PTPRT: variants seen among roughly 807,000 people sequenced by gnomAD.
The protein encoded by PTPRT is protein tyrosine phosphatase receptor type T, also known as receptor-type tyrosine-protein phosphatase T.
In PTPRT, 56 loss-of-function variants were observed where a neutral mutation model predicts 176.8. That is an observed-to-expected ratio of 0.32 (90% CI 0.26 to 0.40). The LOEUF (loss-of-function observed/expected upper bound fraction) is 0.40, where lower values mean the gene tolerates loss of function less well. Among genes scored for constraint, PTPRT ranks in the 10% least tolerant of loss-of-function variants. The probability of loss-of-function intolerance (pLI) is 1.00; values close to 1 mark genes in which losing one functional copy is unlikely to be tolerated. For synonymous variants in PTPRT, 783 were observed against 739.0 expected (o/e 1.06, Z -0.96); for missense variants, 1,540 against 1,908.2 (o/e 0.81, Z 3.60).
intron 1 of PTPRT, among the ~76,000 whole-genome samples, chr20:43,133,896 T>C (rs372469107): frequency 2.0e-4 from 30 of 152,258 alleles, no homozygotes; most frequent in Middle Eastern, 3.4e-3. Flanking sequence ...GGAACTGGCA[T>C]TTCTCACAAG....
intron 7 of PTPRT, among the ~76,000 whole-genome samples, chr20:42,525,060 T>C (rs573601922): frequency 6.6e-6 from 1 of 152,282 alleles, no homozygotes; most frequent in East Asian, 1.9e-4. Flanking sequence ...AGATTACTGA[T>C]CACCGCAGCC....
intron 2 of PTPRT, among the ~76,000 whole-genome samples, chr20:42,815,463 C>G (rs1394600258): frequency 6.6e-6 from 1 of 152,154 alleles, no homozygotes. Flanking sequence ...CAAAGGAAAC[C>G]AGTAGCAAAG....
At chr20:43,051,916 A>T (rs1987061365) in intron 1 of PTPRT, among the ~76,000 whole-genome samples, 1 of 152,216 alleles carries the variant, frequency 6.6e-6, no homozygotes, top group Non-Finnish European at 1.5e-5. Context: ...ATTATCAAAA[A>T]AAATTACTTG....
intron 2 of PTPRT, among the ~76,000 whole-genome samples, chr20:42,862,302 T>C (rs913344289): frequency 9.9e-5 from 15 of 152,160 alleles, no homozygotes; most frequent in Admixed American, 7.2e-4. Context: ...CTCATCTCTA[T>C]AGCTCCCAGC....
At chr20:42,529,736 C>T (rs769950519) in intron 7 of PTPRT, among the ~76,000 whole-genome samples, 1 of 151,730 alleles carries the variant, frequency 6.6e-6, no homozygotes, top group Admixed American at 6.6e-5. Flanking sequence ...ATCCACTGTC[C>T]TCAGTCTCCC....
chr20:43,169,233 A>T (rs1264740684), intron 1 of PTPRT, among the ~76,000 whole-genome samples: 1 of 152,234 alleles, frequency 6.6e-6, no homozygotes, highest in African/African-American at 2.4e-5. Flanking sequence ...AGTCACTGCG[A>T]TTAGGGCAAA....
chr20:42,362,624 C>T (rs1243561301), intron 9 of PTPRT, among the ~76,000 whole-genome samples: 2 of 152,080 alleles, frequency 1.3e-5, no homozygotes, highest in Non-Finnish European at 2.9e-5. Flanking sequence ...AAGTGAAATT[C>T]AAATAAGGCC....
rs1182129019 is a variant in PTPRT, at chr20:43,189,285, C to T, written c.88+361G>A. On this transcript the variant is annotated intron_variant, in intron 1 of 30. Coordinates refer to ENST00000373187, the MANE Select transcript of PTPRT (RefSeq NM_007050.6). This position sits in a 1 kb window ranked among gnomAD's most constrained non-coding sequence, Gnocchi z 5.0. ...GAACGCTCCACCCCGGGCGTCGGTG[C>T]CGCTCCTCGTCTCGCCGCCCCAAAC... 1.3e-5 allele frequency among the ~76,000 whole-genome samples: 2 copies of T among 152,012 alleles called. No homozygotes were observed. The highest frequency in any genetic ancestry group is 4.8e-5 in the African/African-American group (2 of 41,398).
At chr20:42,198,784 C>T (rs1450463331) in intron 16 of PTPRT, among the ~76,000 whole-genome samples, 2 of 152,186 alleles carry the variant, frequency 1.3e-5, no homozygotes, top group Admixed American at 1.3e-4. Flanking sequence ...AGATAAGTTG[C>T]TTCTCTGAGC....
At chr20:42,320,928 G>A (rs1013142158) in intron 11 of PTPRT, among the ~76,000 whole-genome samples, 9 of 152,088 alleles carry the variant, frequency 5.9e-5, no homozygotes, top group Non-Finnish European at 1.3e-4. Context: ...GGTCACACCT[G>A]GAAGCCATTT....
intron 9 of PTPRT, among the ~76,000 whole-genome samples, chr20:42,419,789 T>A (rs538707296): frequency 6.6e-6 from 1 of 152,272 alleles, no homozygotes; most frequent in African/African-American, 2.4e-5. Flanking sequence ...TTTGCATCTA[T>A]AATCAAGTTA....
chr20:43,097,199 C>T (rs932452730), intron 1 of PTPRT, among the ~76,000 whole-genome samples: 6 of 152,134 alleles, frequency 3.9e-5, no homozygotes, highest in Admixed American at 2.6e-4. Flanking sequence ...TGGACAGTGG[C>T]GAGGGGCCTG....
At chr20:42,815,987 C>T (rs1044857871) in intron 2 of PTPRT, among the ~76,000 whole-genome samples, 4 of 151,848 alleles carry the variant, frequency 2.6e-5, no homozygotes, top group Admixed American at 6.6e-5. Flanking sequence ...ATTTTAATAT[C>T]AGGGTTATGA....
intron 9 of PTPRT, among the ~76,000 whole-genome samples, chr20:42,434,211 G>A (rs1042952334): frequency 6.6e-6 from 1 of 152,018 alleles, no homozygotes; most frequent in African/African-American, 2.4e-5. Flanking sequence ...TTGTTATATT[G>A]TCACTAACAT....
intron 6 of PTPRT, among the ~76,000 whole-genome samples, chr20:42,700,765 T>A (rs912469549): frequency 6.6e-6 from 1 of 152,082 alleles, no homozygotes; most frequent in African/African-American, 2.4e-5. Context: ...AGAACCCTCA[T>A]CTAGGGGCTG....
chr20:43,002,886 A>G lies in PTPRT; in HGVS notation c.89-116954T>C, dbSNP rs564794994. On this transcript the variant is annotated intron_variant, in intron 1 of 30. Transcript: ENST00000373187. ...AAAGGCAGAAAACAATTCATTAAAA[A>G]AACAGAAAAACATCAGAATAAATAA... Among the ~76,000 whole-genome samples, 130 of 148,848 alleles carry G rather than the reference A, an allele frequency of 8.7e-4. 1 individual carries two copies. The highest frequency in any genetic ancestry group is 2.1e-3 in the Admixed American group (31 of 14,764).
chr20:42,193,097 C>G (rs956951552), intron 16 of PTPRT, among the ~76,000 whole-genome samples: 1 of 152,238 alleles, frequency 6.6e-6, no homozygotes, highest in African/African-American at 2.4e-5. Flanking sequence ...AGAATATCTG[C>G]TCTGGGGTCC....
chr20:42,267,903 C>T (rs1034604298), intron 13 of PTPRT, among the ~76,000 whole-genome samples: 11 of 152,168 alleles, frequency 7.2e-5, no homozygotes, highest in Non-Finnish European at 1.6e-4. Context: ...TGTGGCTATT[C>T]ATATTTCAAT....
At position 42,157,973 on chromosome 20, in the gene PTPRT, C is replaced by G. The variant is rs539355998; in HGVS notation, c.2682+3379G>C. On this transcript the variant is annotated intron_variant, in intron 17 of 30. Coordinates refer to ENST00000373187, the MANE Select transcript of PTPRT (RefSeq NM_007050.6). The stretch of plus-strand genomic sequence containing the variant: ...ATCCCAGCTGAAAGCCTGCATCAGT[C>G]ACTAGACATGTGAGTGAAGACATGT... 1.8e-4 allele frequency among the ~76,000 whole-genome samples: 27 copies of G among 152,332 alleles called. No homozygotes were observed. The South Asian group carries it at 5.6e-3, about 32-fold the overall frequency.
Sources: allele counts gnomAD v4.1 joint callset (sites outside exome capture counted in the v4.1 genomes callset), GRCh38; gene constraint gnomAD v4.1.1; non-coding constraint Gnocchi (gnomAD v3.1); transcripts MANE v1.5; gene names NCBI Gene and HGNC (gene_info 2026-07-23, HGNC 2026-07-21).